Variants in ASTN1 observed in about 807,000 individuals in gnomAD.
ASTN1 encodes astrotactin 1, also known as astrotactin-1.
ASTN1 carries 41 observed loss-of-function variants against 140.7 expected under a neutral mutation model. The ratio of observed to expected loss-of-function variants is 0.29; its 90% confidence interval spans 0.23 to 0.38. The LOEUF is 0.38. Ranked by LOEUF, ASTN1 falls within the 10% of genes least tolerant of loss-of-function variation. The pLI, the probability that ASTN1 is intolerant of heterozygous loss-of-function variation, is 1.00. For missense variants in ASTN1, 1,479 were observed against 1,678.8 expected, an observed-to-expected ratio of 0.88 and a Z score of 2.08; for synonymous variants, 640 against 652.2, an observed-to-expected ratio of 0.98 and a Z score of 0.29.
Position 176,970,642 on chromosome 1 carries a change from C to T in ASTN1, c.1524-5405G>A, listed in dbSNP as rs1673103212. Among the ~76,000 whole-genome samples, 4 of 150,642 alleles carry T rather than the reference C, an allele frequency of 2.7e-5. No homozygotes were observed. The South Asian group carries it at 8.4e-4, about 32-fold the overall frequency. On this transcript the variant is annotated intron_variant, in intron 8 of 22. Coordinates refer to ENST00000361833, the MANE Select transcript of ASTN1 (RefSeq NM_004319.3). ...AGACAGATAGATAGATAAAAGAAAG[C>T]AAGAAAGAAGGAAAGTAGGGAGATA...
At chr1:176,924,254 A>G (rs1315148001) in intron 16 of ASTN1, among the ~76,000 whole-genome samples, 1 of 152,168 alleles carries the variant, frequency 6.6e-6, no homozygotes, top group Non-Finnish European at 1.5e-5. Flanking sequence ...TATAGGTCCT[A>G]CATTATTCTA....
At chr1:177,143,986 A>G (rs551684342) in intron 1 of ASTN1, among the ~76,000 whole-genome samples, 2 of 152,248 alleles carry the variant, frequency 1.3e-5, no homozygotes, top group Admixed American at 1.3e-4. Context: ...ATTACCATTT[A>G]TTGGGCAACA....
At chr1:177,016,631 C>G (rs1483309486) in intron 7 of ASTN1, among the ~76,000 whole-genome samples, 1 of 152,160 alleles carries the variant, frequency 6.6e-6, no homozygotes, top group Non-Finnish European at 1.5e-5. Flanking sequence ...AGGCTTCACA[C>G]CTTCTCAATT....
chr1:177,074,378 C>A (rs1678788784), intron 1 of ASTN1, among the ~76,000 whole-genome samples: 1 of 152,048 alleles, frequency 6.6e-6, no homozygotes, highest in South Asian at 2.1e-4. Flanking sequence ...AGTAACTTAC[C>A]ATTTTTTCAA....
chr1:176,950,409 A>T (rs1672146572), intron 11 of ASTN1, among the ~76,000 whole-genome samples: 1 of 152,124 alleles, frequency 6.6e-6, no homozygotes, highest in Admixed American at 6.5e-5. Flanking sequence ...CACACACCAC[A>T]CTTAACCGTT....
intron 2 of ASTN1, among the ~76,000 whole-genome samples, chr1:177,041,382 T>C (rs1438284315): frequency 1.3e-5 from 2 of 152,198 alleles, no homozygotes; most frequent in Non-Finnish European, 2.9e-5. Flanking sequence ...CAAATGTGTG[T>C]ATTATGTACA....
chr1:176,995,499 G>A (rs561509929), intron 8 of ASTN1, among the ~76,000 whole-genome samples: 49 of 152,234 alleles, frequency 3.2e-4, no homozygotes, highest in African/African-American at 1.1e-3. Flanking sequence ...GCCATTCTAG[G>A]CACAGCACAC....
At chr1:176,937,786 CAT>C (rs1347266127) in intron 14 of ASTN1, among the ~76,000 whole-genome samples, 1 of 151,998 alleles carries the variant, frequency 6.6e-6, no homozygotes, top group Admixed American at 6.6e-5. Flanking sequence ...GGTGTGTGCA[CAT>C]GTCTACAAAT....
rs568341293 is a variant in ASTN1 at position 177,152,416 on chromosome 1, G to A, written c.283+11978C>T. 7.9e-5 allele frequency among the ~76,000 whole-genome samples: 12 copies of A among 151,850 alleles called. No individual in the cohort carries two copies. The East Asian group carries it at 2.3e-3, about 29-fold the overall frequency. On this transcript the variant is annotated intron_variant, in intron 1 of 22. Coordinates refer to ENST00000361833, the MANE Select transcript of ASTN1 (RefSeq NM_004319.3). ...CATTAATAGCTTTCACATACAGAAA[G>A]TATAATCCTTTGGAAAATAAATAAA...
intron 8 of ASTN1, among the ~76,000 whole-genome samples, chr1:177,005,889 G>C (rs535574850): frequency 2.5e-4 from 38 of 152,264 alleles, no homozygotes; most frequent in Middle Eastern, 3.4e-3. Flanking sequence ...GATTACAAGC[G>C]TGAGCCACCG....
intron 16 of ASTN1, among the ~76,000 whole-genome samples, chr1:176,907,232 A>G (rs948396386): frequency 2.6e-5 from 4 of 152,218 alleles, no homozygotes; most frequent in African/African-American, 9.6e-5. Context: ...TTCAGATAAC[A>G]TGTTGAGATC....
Position 176,945,914 on chromosome 1 carries a change from T to C in ASTN1, c.2249+12A>G, listed in dbSNP as rs1233811211. ...AGTCTTGAACAATCAGTTCTATGTA[T>C]ATGAGGTTTACCTGAATGTTCCTTT... On this transcript the variant is annotated intron_variant, in intron 13 of 22. Transcript: ENST00000361833. The C allele has an allele frequency of 2.5e-6, 4 of 1,599,578 alleles. No homozygotes were observed. The highest frequency in any genetic ancestry group is 3.4e-6 in the Non-Finnish European group (4 of 1,171,478).
intron 21 of ASTN1, among the ~76,000 whole-genome samples, chr1:176,875,557 C>G (rs1668526167): frequency 6.6e-6 from 1 of 152,170 alleles, no homozygotes; most frequent in Non-Finnish European, 1.5e-5. Context: ...CTAGGTCACT[C>G]TTTCCCCTGT....
Position 176,864,212 on chromosome 1 carries a change from C to A in ASTN1, c.*72G>T. The A allele has an allele frequency of 6.5e-7, 1 of 1,538,714 alleles. No homozygotes were observed. Among genetic ancestry groups the A allele is most frequent in the South Asian group, 1.2e-5 (1 of 80,274 alleles). ...TGTTCCATTAAAAAATATTAAAAATCCACAGACCAACCCAGATGGATCCCT... is the reference window on the plus strand; with the variant it reads ...TGTTCCATTAAAAAATATTAAAAATACACAGACCAACCCAGATGGATCCCT... On this transcript the variant is annotated 3_prime_UTR_variant, in exon 23 of 23. Coordinates refer to ENST00000361833, the MANE Select transcript of ASTN1 (RefSeq NM_004319.3).
chr1:177,071,817 G>A (rs922458135), intron 1 of ASTN1, among the ~76,000 whole-genome samples: 1 of 152,166 alleles, frequency 6.6e-6, no homozygotes, highest in South Asian at 2.1e-4. Context: ...GTAAGGCTGA[G>A]ACATGATAGT....
At chr1:176,960,170 A>G (rs1452886193) in intron 9 of ASTN1, among the ~76,000 whole-genome samples, 2 of 152,094 alleles carry the variant, frequency 1.3e-5, no homozygotes, top group African/African-American at 4.8e-5. Flanking sequence ...GAAGAAAACA[A>G]CCTCCAAGAA....
At chr1:177,065,777 G>A (rs1001988165) in intron 1 of ASTN1, among the ~76,000 whole-genome samples, 14 of 152,112 alleles carry the variant, frequency 9.2e-5, no homozygotes, top group Non-Finnish European at 1.9e-4. Context: ...CAGAACTAAT[G>A]GAAAGTCACC....
intron 16 of ASTN1, among the ~76,000 whole-genome samples, chr1:176,897,274 CAAAAA>C (rs56828059): frequency 4.5e-5 from 2 of 44,146 alleles, no homozygotes; most frequent in African/African-American, 2.0e-4. Context: ...GACTCCGTCT[CAAAAA>C]AAAAAAAAAA....
intron 16 of ASTN1, among the ~76,000 whole-genome samples, chr1:176,903,205 C>T (rs1044292542): frequency 4.6e-5 from 7 of 152,146 alleles, no homozygotes; most frequent in Admixed American, 1.3e-4. Flanking sequence ...AGCACATATA[C>T]GTGGGGGAGT....
Sources: gnomAD v4.1 joint callset for allele counts (sites outside exome capture counted in the v4.1 genomes callset) on GRCh38, gnomAD v4.1.1 for gene constraint, MANE v1.5 for transcripts, NCBI Gene and HGNC (gene_info 2026-07-23, HGNC 2026-07-21) for gene names.